The following GAPVD1 variants were observed in gnomAD, a reference collection of about 807,000 sequenced individuals.
GAPVD1 encodes the protein GTPase activating protein and VPS9 domains 1.
A neutral mutation model predicts 155.5 loss-of-function variants in GAPVD1; 35 were observed. The observed-to-expected ratio is 0.23, with a 90% CI of 0.17 to 0.30. The LOEUF (loss-of-function observed/expected upper bound fraction) is 0.30, where lower values mean the gene tolerates loss of function less well. Ranked by LOEUF, GAPVD1 falls within the 10% of genes least tolerant of loss-of-function variation. GAPVD1 has a pLI of 1.00. For missense variants in GAPVD1, 1,429 were observed against 1,775.7 expected, an observed-to-expected ratio of 0.80 and a Z score of 3.51; for synonymous variants, 636 against 619.7, an observed-to-expected ratio of 1.03 and a Z score of -0.39.
At chr9:125,307,318 T>G in intron 6 of GAPVD1, 95 bp from the exon 7 acceptor site, 5 of 798,392 alleles carry the variant, frequency 6.3e-6, no homozygotes, top group Non-Finnish European at 9.5e-6. Flanking sequence ...ATTTTTAAGA[T>G]GTTTAAATTT....
chr9:125,289,294 A>G (rs1838224219), intron 2 of GAPVD1, among the ~76,000 whole-genome samples: 1 of 152,156 alleles, frequency 6.6e-6, no homozygotes. Flanking sequence ...GATTTGACTC[A>G]TGCTTTACAG....
chr9:125,271,751 G>A (rs1459604598), intron 2 of GAPVD1, among the ~76,000 whole-genome samples: 13 of 152,042 alleles, frequency 8.6e-5, no homozygotes, highest in Admixed American at 2.0e-4. Context: ...TTGTTTCACC[G>A]TGTTAGCCGT....
At chr9:125,340,018 TTTG>T (rs1219676823) in intron 17 of GAPVD1, among the ~76,000 whole-genome samples, 1 of 152,108 alleles carries the variant, frequency 6.6e-6, no homozygotes, top group African/African-American at 2.4e-5. Context: ...TGGCCTGTTT[TTTG>T]TTTGTTTGTT....
intron 2 of GAPVD1, among the ~76,000 whole-genome samples, chr9:125,287,174 T>G (rs1837839693): frequency 6.6e-6 from 1 of 152,130 alleles, no homozygotes; most frequent in Non-Finnish European, 1.5e-5. Context: ...TTATTGAGTC[T>G]GGTCTTGGAA....
At position 125,346,688 on chromosome 9, in the gene GAPVD1, C is replaced by T. The variant is rs116312277; in HGVS notation, c.3047-131C>T. ...TAGGCAGCTGCATGGTGCCTCTTAACATTGAGATATGTGCTCTTTTTAAGT... is the reference window on the plus strand; with the variant it reads ...TAGGCAGCTGCATGGTGCCTCTTAATATTGAGATATGTGCTCTTTTTAAGT... On this transcript the variant is annotated intron_variant, in intron 19 of 27. Coordinates refer to ENST00000297933, the MANE Select transcript of GAPVD1 (RefSeq NM_001282680.3). 1.0e-3 allele frequency: 812 copies of T among 777,432 alleles called. 6 individuals are homozygous for T. In the African/African-American group the frequency reaches 0.012, roughly 11 times the overall value. 48.2% of individuals were successfully genotyped at this position (777,432 alleles called of 1,614,324 possible). A position where few individuals can be genotyped will look rare whatever the true frequency, so the allele number is the denominator to read the frequency against.
intron 21 of GAPVD1, 110 bp downstream of exon 21, chr9:125,349,629 G>A (rs1849026392): frequency 1.1e-6 from 1 of 872,616 alleles, no homozygotes; most frequent in Admixed American, 2.4e-5. Context: ...AGCAGGGAGA[G>A]AAAAATGAAA....
intron 23 of GAPVD1, among the ~76,000 whole-genome samples, chr9:125,353,476 A>G (rs916754725): frequency 1.3e-5 from 2 of 152,076 alleles, no homozygotes; most frequent in Non-Finnish European, 2.9e-5. Flanking sequence ...CCAGTTCCAA[A>G]GCTGCTTTCA....
rs944916739 is a variant in GAPVD1 at position 125,294,158 on chromosome 9, G to A, written c.-149-1300G>A. ...CTTGACCTCGTGATCCGCCCACCTC[G>A]GCCTCTGAAAGTGCTGGGATTACAG... On this transcript the variant is annotated intron_variant, in intron 2 of 27. Transcript: ENST00000297933. Among the ~76,000 whole-genome samples the A allele has an allele frequency of 6.6e-5, 10 of 151,266 alleles. No homozygotes were observed. In the East Asian group the frequency reaches 7.9e-4, roughly 12 times the overall value.
At chr9:125,339,253 T>C (rs1331674702) in intron 17 of GAPVD1, among the ~76,000 whole-genome samples, 1 of 152,098 alleles carries the variant, frequency 6.6e-6, no homozygotes, top group Non-Finnish European at 1.5e-5. Flanking sequence ...GCCTCCCAAG[T>C]GTTGGGATTA....
intron 3 of GAPVD1, among the ~76,000 whole-genome samples, chr9:125,296,231 T>C (rs1588723077): frequency 1.3e-5 from 2 of 151,018 alleles, no homozygotes. Context: ...CAGGCTGGAG[T>C]GCAGTGGCAC....
chr9:125,315,924 G>A (rs1418593367), intron 9 of GAPVD1, among the ~76,000 whole-genome samples: 1 of 152,186 alleles, frequency 6.6e-6, no homozygotes, highest in African/African-American at 2.4e-5. Context: ...CTAAGGTACA[G>A]TTGCAAACTG....
intron 25 of GAPVD1, among the ~76,000 whole-genome samples, chr9:125,356,224 T>C (rs1850059139): frequency 1.3e-5 from 2 of 152,236 alleles, no homozygotes; most frequent in African/African-American, 4.8e-5. Context: ...GTTAGGGCTC[T>C]CTCAGGCCTC....
chr9:125,292,580 GGATTTCACCATGTT>G (rs1478491557), intron 2 of GAPVD1, among the ~76,000 whole-genome samples: 2 of 151,906 alleles, frequency 1.3e-5, no homozygotes, highest in Non-Finnish European at 2.9e-5. Flanking sequence ...TTTACTAGAG[GGATTTCACCATGTT>G]GGCCAGGCAG....
intron 1 of GAPVD1, among the ~76,000 whole-genome samples, chr9:125,263,241 G>C (rs771306281): frequency 4.6e-5 from 7 of 152,244 alleles, no homozygotes; most frequent in Non-Finnish European, 8.8e-5. Flanking sequence ...TTGAGGTCAA[G>C]AGATCGAGAC....
rs924966739 is a variant in GAPVD1, at chr9:125,348,812, G to A, written c.3170-578G>A. On this transcript the variant is annotated intron_variant, in intron 20 of 27. Transcript: ENST00000297933. ...CAGGTGTGAGGCACCGCACCCAGCC[G>A]TGTATTCTTGATTAAGACATAAAAC... Among the ~76,000 whole-genome samples the A allele has an allele frequency of 3.9e-5, 6 of 152,214 alleles. No individual in the cohort carries two copies. The East Asian group carries it at 5.8e-4, about 15-fold the overall frequency.
At chr9:125,322,834 A>C (rs1026811585) in intron 10 of GAPVD1, among the ~76,000 whole-genome samples, 1 of 151,836 alleles carries the variant, frequency 6.6e-6, no homozygotes, top group Admixed American at 6.6e-5. Flanking sequence ...GGGTGGATTC[A>C]CTGAGCTCAG....
intron 2 of GAPVD1, among the ~76,000 whole-genome samples, chr9:125,287,222 A>G (rs999017931): frequency 6.6e-6 from 1 of 152,084 alleles, no homozygotes; most frequent in Non-Finnish European, 1.5e-5. Context: ...AGATATAAAT[A>G]TAGAAACATG....
At chr9:125,297,933 A>G (rs1325911012) in intron 3 of GAPVD1, among the ~76,000 whole-genome samples, 1 of 152,078 alleles carries the variant, frequency 6.6e-6, no homozygotes, top group Admixed American at 6.6e-5. Flanking sequence ...TTTAGTAGAA[A>G]CGGGGTTTCA....
intron 2 of GAPVD1, among the ~76,000 whole-genome samples, chr9:125,294,348 CT>C (rs1236573488): frequency 0.022 from 2,867 of 127,894 alleles, 21 homozygotes; most frequent in Non-Finnish European, 0.03. Context: ...GCCAAAATGG[CT>C]TTTTTTTTTT....
Sources: gnomAD v4.1 joint callset for allele counts (sites outside exome capture counted in the v4.1 genomes callset) on GRCh38, gnomAD v4.1.1 for gene constraint, MANE v1.5 for transcripts, NCBI Gene and HGNC (gene_info 2026-07-23, HGNC 2026-07-21) for gene names.